MCPH1: variants seen among roughly 807,000 people sequenced by gnomAD.
MCPH1 encodes the protein microcephalin.
In MCPH1, 104 loss-of-function variants were observed where a neutral mutation model predicts 84.5. The ratio of observed to expected loss-of-function variants is 1.23; its 90% CI spans 1.05 to 1.45. The LOEUF (loss-of-function observed/expected upper bound fraction) is 1.45. MCPH1 is among the 40% of genes most tolerant of loss of function. The pLI is 0.00. For synonymous variants in MCPH1, 514 were observed against 366.8 expected, an observed-to-expected ratio of 1.40 and a Z score of -4.58; for missense variants, 1,498 against 1,005.7, an observed-to-expected ratio of 1.49 and a Z score of -6.62.
At position 6,499,854 on chromosome 8, in the gene MCPH1, G is replaced by A; in HGVS notation, c.2139G>A (p.Val713=). 1.9e-6 allele frequency: 3 copies of A among 1,612,958 alleles called. No individual in the cohort carries two copies. Among genetic ancestry groups the A allele is most frequent in the Non-Finnish European group, 2.5e-6 (3 of 1,179,822 alleles). ...RGCWVLSYDW[V]LWSLELGHWI... Reference sequence around the variant, plus strand: ...TCTGCTTGTTGTGTCACTTGCAGGTGCTATGGTCTTTAGAATTGGGTCACT... The same window carrying A: ...TCTGCTTGTTGTGTCACTTGCAGGTACTATGGTCTTTAGAATTGGGTCACT... The change falls in exon 12 of 14, where the codon GTG becomes GTA. Residue 713 remains valine, a splice_region_variant and synonymous_variant. Transcript: ENST00000344683.
chr8:6,598,744 C>T lies in MCPH1; in HGVS notation c.2215-22710C>T, dbSNP rs574261289. ...TGAGGAAGCGCAGTGCGGCTCCCCC[C>T]TGCGTGGTGGGACTAAGAAGAGCCC... On this transcript the variant is annotated intron_variant, in intron 12 of 13. Transcript: ENST00000344683. 3.3e-5 allele frequency among the ~76,000 whole-genome samples: 5 copies of T among 152,322 alleles called. No individual in the cohort carries two copies. In the South Asian group the frequency reaches 8.3e-4, roughly 25 times the overall value.
At chr8:6,547,187 A>G (rs999618816) in intron 12 of MCPH1, among the ~76,000 whole-genome samples, 1 of 152,040 alleles carries the variant, frequency 6.6e-6, no homozygotes, top group African/African-American at 2.4e-5. Context: ...TCTAAGGTGA[A>G]CTAGTTTTAT....
Position 6,414,758 on chromosome 8 carries a change from T to A in MCPH1, c.115-7T>A. On this transcript the variant is annotated splice_region_variant and splice_polypyrimidine_tract_variant and intron_variant, in intron 2 of 13. Transcript: ENST00000344683. ...TGTACATTTTGTTTTCTGCATTTTG[T>A]CTACAGGTTTCAAAAACTTTTAACA... 1 of 1,613,394 alleles carries A rather than the reference T, an allele frequency of 6.2e-7. No individual in the cohort carries two copies. The highest frequency in any genetic ancestry group is 8.5e-7 in the Non-Finnish European group (1 of 1,179,636).
chr8:6,488,553 T>C (rs1159151415), intron 11 of MCPH1, among the ~76,000 whole-genome samples: 1 of 152,140 alleles, frequency 6.6e-6, no homozygotes, highest in Admixed American at 6.5e-5. Context: ...ATTTTTTAAT[T>C]TTCGAAAGGT....
At chr8:6,618,597 TCA>T (rs1831098650) in intron 12 of MCPH1, 1 of 152,224 alleles carries the variant, frequency 6.6e-6, no homozygotes, top group Non-Finnish European at 1.5e-5. Context: ...AGAGAATTTT[TCA>T]CAGTTGTTAA....
intron 12 of MCPH1, among the ~76,000 whole-genome samples, chr8:6,588,580 A>T (rs1172433507): frequency 6.6e-6 from 1 of 152,188 alleles, no homozygotes; most frequent in Non-Finnish European, 1.5e-5. Flanking sequence ...TTGAACCAGC[A>T]CTGAACTGCC....
intron 12 of MCPH1, among the ~76,000 whole-genome samples, chr8:6,537,178 T>G (rs1284370829): frequency 6.6e-6 from 1 of 152,054 alleles, no homozygotes; most frequent in Non-Finnish European, 1.5e-5. Context: ...AACATATTCA[T>G]GTTTCGCAGG....
At chr8:6,528,555 A>G (rs1818815381) in intron 12 of MCPH1, among the ~76,000 whole-genome samples, 1 of 152,254 alleles carries the variant, frequency 6.6e-6, no homozygotes, top group South Asian at 2.1e-4. Context: ...TCGAAGCCGT[A>G]TAGCGTGAGT....
intron 9 of MCPH1, among the ~76,000 whole-genome samples, chr8:6,465,675 G>A (rs965436355): frequency 2.6e-5 from 4 of 152,186 alleles, no homozygotes; most frequent in Non-Finnish European, 2.9e-5. Context: ...AAGGAAGGGC[G>A]GAGGGCGGGG....
At position 6,611,457 on chromosome 8, in the gene MCPH1, G is replaced by T. The variant is rs976930660; in HGVS notation, c.2215-9997G>T. On this transcript the variant is annotated intron_variant, in intron 12 of 13. Transcript: ENST00000344683. ...TAACATTGACCAATTCATCACAAAC[G>T]TTATTTTGAAAGGATGTGAATGAAC... Among the ~76,000 whole-genome samples the T allele has an allele frequency of 1.3e-4, 20 of 152,248 alleles. 1 individual carries two copies. Among genetic ancestry groups the T allele is most frequent in the African/African-American group, 4.3e-4 (18 of 41,542 alleles).
Position 6,464,673 on chromosome 8 carries a change from G to C in MCPH1, c.1935+9421G>C, listed in dbSNP as rs75608254. ...CCACTGGGAGACCCACAGGCGCTAAGAGAGGAGCTAGCCGAAGAAGTCTAT... is the reference window on the plus strand; with the variant it reads ...CCACTGGGAGACCCACAGGCGCTAACAGAGGAGCTAGCCGAAGAAGTCTAT... On this transcript the variant is annotated intron_variant, in intron 9 of 13. Coordinates refer to ENST00000344683, the MANE Select transcript of MCPH1 (RefSeq NM_024596.5). Among the ~76,000 whole-genome samples, 477 of 152,334 alleles carry C rather than the reference G, an allele frequency of 3.1e-3. 4 individuals carry two copies. Among genetic ancestry groups the C allele is most frequent in the African/African-American group, 0.011 (455 of 41,582 alleles).
rs575641021 is a variant in MCPH1, at chr8:6,645,708, A to C, written c.*2659A>C. ...TTCCTAAAGATTATATACAAACCTA[A>C]CAGAATTGTATTTATATATACTGTC... is the stretch of plus-strand genomic sequence containing the variant. On this transcript the variant is annotated 3_prime_UTR_variant, in exon 14 of 14. Coordinates refer to ENST00000344683, the MANE Select transcript of MCPH1 (RefSeq NM_024596.5). 7 of 152,062 alleles carry C rather than the reference A, an allele frequency of 4.6e-5. No homozygotes were observed. The highest frequency in any genetic ancestry group is 2.0e-4 in the Admixed American group (3 of 15,274). 9.4% of individuals were successfully genotyped at this position (152,062 alleles called of 1,614,324 possible). A position where few individuals can be genotyped will look rare whatever the true frequency, so the allele number is the denominator to read the frequency against.
intron 2 of MCPH1, among the ~76,000 whole-genome samples, chr8:6,412,194 A>T (rs1461383331): frequency 6.6e-6 from 1 of 152,134 alleles, no homozygotes; most frequent in Admixed American, 6.5e-5. Context: ...GCACTGCAGG[A>T]GGGGAGACAT....
At chr8:6,580,233 C>A (rs939615383) in intron 12 of MCPH1, among the ~76,000 whole-genome samples, 1 of 152,220 alleles carries the variant, frequency 6.6e-6, no homozygotes, top group Admixed American at 6.5e-5. Flanking sequence ...AAGGTCTCCC[C>A]TGTACTCACG....
rs570508723 is a variant in MCPH1, at chr8:6,501,223, C to T, written c.2214+1294C>T. 5.9e-5 allele frequency: 9 copies of T among 152,226 alleles called. No individual in the cohort carries two copies. In the East Asian group the frequency reaches 1.2e-3, roughly 20 times the overall value. The allele number at this position is 152,226 out of a possible 1,614,324, so 9.4% of individuals were successfully genotyped here. ...CATTGACTCCAAATATGTAGCAACA[C>T]CTGTGTGTTCTAAAACTACGTCAAG... On this transcript the variant is annotated intron_variant, in intron 12 of 13. Transcript: ENST00000344683.
rs1563222550 is a variant in MCPH1 at position 6,446,351 on chromosome 8, C to T, written c.1825+804C>T. 25 of 984,476 alleles carry T rather than the reference C, an allele frequency of 2.5e-5. No homozygotes were observed. In the South Asian group the frequency reaches 6.1e-4, roughly 24 times the overall value. The allele number at this position is 984,476 out of a possible 1,614,324, so 61.0% of individuals were successfully genotyped here. A position where few individuals can be genotyped will look rare whatever the true frequency, so the allele number is the denominator to read the frequency against. On this transcript the variant is annotated intron_variant, in intron 8 of 13. Coordinates refer to ENST00000344683, the MANE Select transcript of MCPH1 (RefSeq NM_024596.5). ...TTTGAGTGAGAACGCATTCTCTCTG[C>T]ATGATTTCTCTGCTCTACAAATGTT...
intron 8 of MCPH1, chr8:6,446,540 C>T (rs1804402117): frequency 4.1e-6 from 4 of 983,428 alleles, no homozygotes; most frequent in Non-Finnish European, 4.8e-6. Context: ...GCTTTCTGAA[C>T]ATATATTAAA....
At chr8:6,446,819 C>A (rs1254523745) in intron 8 of MCPH1, 1 of 985,164 alleles carries the variant, frequency 1.0e-6, no homozygotes, top group Admixed American at 6.2e-5. Flanking sequence ...CCTAAAATCC[C>A]CGTGTTGCTG....
chr8:6,604,544 G>T (rs1340379231), intron 12 of MCPH1, among the ~76,000 whole-genome samples: 2 of 152,204 alleles, frequency 1.3e-5, no homozygotes, highest in African/African-American at 4.8e-5. Context: ...TCACTCTATC[G>T]CCCAGGCTGG....
Sources: allele counts gnomAD v4.1 joint callset (sites outside exome capture counted in the v4.1 genomes callset), GRCh38; gene constraint gnomAD v4.1.1; transcripts MANE v1.5; gene names NCBI Gene and HGNC (gene_info 2026-07-23, HGNC 2026-07-21).